NRG1: variants seen among roughly 807,000 people sequenced by gnomAD.
NRG1 encodes the protein pro-neuregulin-1, membrane-bound isoform.
Under a neutral mutation model 63.8 loss-of-function variants are expected in NRG1, and 18 were observed. The observed-to-expected ratio is 0.28, with a 90% CI of 0.19 to 0.42. The LOEUF (loss-of-function observed/expected upper bound fraction) is 0.42, where lower values mean the gene tolerates loss of function less well. NRG1 is among the 10% of genes least tolerant of loss of function. The pLI is 1.00. For missense variants in NRG1, 762 were observed against 814.7 expected, an observed-to-expected ratio of 0.94 and a Z score of 0.79; for synonymous variants, 302 against 301.3, an observed-to-expected ratio of 1.00 and a Z score of -0.02.
chr8:32,294,289 A>C (rs910295611), intron 1 of NRG1, among the ~76,000 whole-genome samples: 2 of 151,732 alleles, frequency 1.3e-5, no homozygotes, highest in Admixed American at 1.3e-4. Context: ...AAATATTCTA[A>C]ACTAGTAATT....
chr8:32,421,299 C>G (rs965218996), intron 1 of NRG1, among the ~76,000 whole-genome samples: 1 of 151,930 alleles, frequency 6.6e-6, no homozygotes, highest in African/African-American at 2.4e-5. Context: ...AGGGAAGGGA[C>G]CAATATGAGA....
chr8:31,810,165 C>T (rs1363268835), intron 1 of NRG1, among the ~76,000 whole-genome samples: 1 of 152,162 alleles, frequency 6.6e-6, no homozygotes, highest in Non-Finnish European at 1.5e-5. Context: ...CCATATCTGA[C>T]TGTCTCTCAC....
At chr8:32,316,798 CAAAAAAATAA>C (rs550685737) in intron 1 of NRG1, among the ~76,000 whole-genome samples, 3 of 122,854 alleles carry the variant, frequency 2.4e-5, no homozygotes, top group Non-Finnish European at 5.3e-5. Context: ...CTATCAGCTC[CAAAAAAATAA>C]AATAAAATAA....
At chr8:31,735,727 A>G (rs1814594601) in intron 1 of NRG1, among the ~76,000 whole-genome samples, 1 of 152,164 alleles carries the variant, frequency 6.6e-6, no homozygotes, top group African/African-American at 2.4e-5. Context: ...ACTTTTTAGC[A>G]TTATGCAGGA....
chr8:31,859,409 A>T (rs571988141), intron 1 of NRG1, among the ~76,000 whole-genome samples: 97 of 152,272 alleles, frequency 6.4e-4, no homozygotes, highest in African/African-American at 2.2e-3. Context: ...TTTCATCACA[A>T]TGTGATCTAT....
chr8:32,539,630 G>C (rs1356920364), intron 1 of NRG1, among the ~76,000 whole-genome samples: 1 of 152,142 alleles, frequency 6.6e-6, no homozygotes, highest in Non-Finnish European at 1.5e-5. Context: ...ATACAGGCTT[G>C]CAGTTTAGAA....
At position 32,712,955 on chromosome 8, in the gene NRG1, C is replaced by T. The variant is rs148776309; in HGVS notation, c.503-14994C>T. On this transcript the variant is annotated intron_variant, in intron 5 of 11. Transcript: ENST00000356819. ...CTCTAGAATTGGATCATCCATGGCT[C>T]CTCTGTCAGAGTTGTGAAAATGGTC... Among the ~76,000 whole-genome samples the T allele has an allele frequency of 1.6e-3, 247 of 152,242 alleles. 1 individual carries two copies. The highest frequency in any genetic ancestry group is 5.6e-3 in the African/African-American group (232 of 41,558).
intron 5 of NRG1, among the ~76,000 whole-genome samples, chr8:32,653,365 G>T (rs1028588521): frequency 2.0e-5 from 3 of 151,998 alleles, no homozygotes; most frequent in South Asian, 2.1e-4. Context: ...CTTCTTTACT[G>T]TCATGTTATT....
chr8:32,671,608 A>T (rs1805660105), intron 5 of NRG1, among the ~76,000 whole-genome samples: 1 of 152,194 alleles, frequency 6.6e-6, no homozygotes, highest in East Asian at 1.9e-4. Context: ...ACATGCAACC[A>T]ATTTCTTCCA....
intron 1 of NRG1, among the ~76,000 whole-genome samples, chr8:31,831,906 C>T (rs1457919538): frequency 6.6e-6 from 1 of 152,042 alleles, no homozygotes; most frequent in East Asian, 1.9e-4. Flanking sequence ...GGCAGCTTCC[C>T]CAGTGATGGA....
At chr8:32,199,906 A>C (rs1843331573) in intron 1 of NRG1, among the ~76,000 whole-genome samples, 1 of 152,026 alleles carries the variant, frequency 6.6e-6, no homozygotes, top group African/African-American at 2.4e-5. Context: ...CAGCCTCCTG[A>C]GTAGCTGGGA....
chr8:32,193,497 A>G (rs1331342028), intron 1 of NRG1, among the ~76,000 whole-genome samples: 1 of 152,154 alleles, frequency 6.6e-6, no homozygotes, highest in South Asian at 2.1e-4. Context: ...TCCCCAAGTC[A>G]TTTACATTTG....
chr8:31,875,126 A>G (rs1297600350), intron 1 of NRG1, among the ~76,000 whole-genome samples: 1 of 152,126 alleles, frequency 6.6e-6, no homozygotes, highest in Non-Finnish European at 1.5e-5. Context: ...AGCCTAGTGT[A>G]GAGGGAGAAC....
intron 5 of NRG1, among the ~76,000 whole-genome samples, chr8:32,701,061 G>A (rs553060173): frequency 6.6e-6 from 1 of 152,240 alleles, no homozygotes; most frequent in Non-Finnish European, 1.5e-5. Flanking sequence ...CAACTCAGTA[G>A]TACTTCCCCT....
intron 1 of NRG1, among the ~76,000 whole-genome samples, chr8:32,380,633 C>A (rs1291065700): frequency 1.3e-5 from 2 of 152,204 alleles, no homozygotes; most frequent in African/African-American, 2.4e-5. Context: ...CATTACCACT[C>A]TCCACTTAAG....
intron 1 of NRG1, among the ~76,000 whole-genome samples, chr8:31,926,833 T>A (rs1049903464): frequency 6.6e-6 from 1 of 152,152 alleles, no homozygotes; most frequent in Non-Finnish European, 1.5e-5. Flanking sequence ...GCTTCATCAC[T>A]GTACTTCTTG....
At chr8:32,292,065 T>C (rs1854268548) in intron 1 of NRG1, among the ~76,000 whole-genome samples, 1 of 152,178 alleles carries the variant, frequency 6.6e-6, no homozygotes, top group African/African-American at 2.4e-5. Flanking sequence ...TCAGCAACAT[T>C]ACATGTGCAT....
chr8:32,742,825 T>C lies in NRG1; in HGVS notation c.691+92T>C. ...GCTGCATCTCCCCTCAGATTCCACC[T>C]AGAGCTAGATGTGTCTTACCAGATC... On this transcript the variant is annotated intron_variant, in intron 7 of 11. Transcript: ENST00000356819. The surrounding 1 kb of genome is among the most constrained non-coding windows in gnomAD (Gnocchi z 4.2). 1.2e-6 allele frequency: 2 copies of C among 1,611,652 alleles called. No individual in the cohort carries two copies. The highest frequency in any genetic ancestry group is 1.7e-6 in the Non-Finnish European group (2 of 1,178,464).
At position 32,196,119 on chromosome 8, in the gene NRG1, G is replaced by GTT. The variant is rs1554649482; in HGVS notation, c.38-399708_38-399707insTT. ...AAATAATGTGCAGTAAAAACAATGA[G>GTT]TGTGTGTGTGTGTGTGTGTGTGTGT... On this transcript the variant is annotated intron_variant, in intron 1 of 10. Coordinates refer to the NRG1 transcript ENST00000519301. 1.4e-3 allele frequency among the ~76,000 whole-genome samples: 11 copies of GTT among 7,918 alleles called. No individual in the cohort carries two copies. In the Admixed American group the frequency reaches 0.031, roughly 22 times the overall value. The allele number at this position is 7,918 out of a possible 152,430, so 5.2% of individuals were successfully genotyped here.
Sources: gnomAD v4.1 joint callset for allele counts (sites outside exome capture counted in the v4.1 genomes callset) on GRCh38, gnomAD v4.1.1 for gene constraint, Gnocchi (gnomAD v3.1) non-coding constraint, MANE v1.5 for transcripts, NCBI Gene and HGNC (gene_info 2026-07-23, HGNC 2026-07-21) for gene names.